The following ADCY2 variants were observed in gnomAD, a reference collection of about 807,000 sequenced individuals.
ADCY2 encodes the protein adenylate cyclase 2, also known as adenylate cyclase type 2.
A neutral mutation model predicts 125.2 loss-of-function variants in ADCY2; 31 were observed. That is an observed-to-expected ratio of 0.25 (90% CI 0.19 to 0.33). The LOEUF is 0.33. Among genes scored for constraint, ADCY2 ranks in the 10% least tolerant of loss-of-function variants. The pLI is 1.00. For missense variants in ADCY2, 904 were observed against 1,418.2 expected (o/e 0.64, Z 5.82); for synonymous variants, 512 against 548.4 (o/e 0.93, Z 0.93).
chr5:7,705,615 G>A (rs1374248070), intron 7 of ADCY2, among the ~76,000 whole-genome samples: 2 of 152,154 alleles, frequency 1.3e-5, no homozygotes, highest in Non-Finnish European at 2.9e-5. Context: ...CAGGGCAGAG[G>A]GGTGGGGGTG....
At chr5:7,504,898 G>A (rs1326720664) in intron 2 of ADCY2, among the ~76,000 whole-genome samples, 1 of 151,602 alleles carries the variant, frequency 6.6e-6, no homozygotes, top group African/African-American at 2.4e-5. Flanking sequence ...TTTAAGACAG[G>A]CTCTCATTTA....
At chr5:7,403,913 G>A (rs1343536780) in intron 1 of ADCY2, among the ~76,000 whole-genome samples, 2 of 141,860 alleles carry the variant, frequency 1.4e-5, no homozygotes, top group Non-Finnish European at 3.1e-5. Flanking sequence ...TTTTTGTTTT[G>A]TTTTGTTTTT....
At chr5:7,568,394 T>C (rs1009483927) in intron 3 of ADCY2, among the ~76,000 whole-genome samples, 2 of 152,184 alleles carry the variant, frequency 1.3e-5, no homozygotes, top group Non-Finnish European at 2.9e-5. Flanking sequence ...TATGGTATTA[T>C]CCTTAATGAT....
intron 4 of ADCY2, among the ~76,000 whole-genome samples, chr5:7,647,136 G>A (rs1561143223): frequency 6.6e-6 from 1 of 152,208 alleles, no homozygotes; most frequent in African/African-American, 2.4e-5. Flanking sequence ...GTGCAAATGT[G>A]CCTTTCAGCT....
intron 2 of ADCY2, among the ~76,000 whole-genome samples, chr5:7,512,235 A>AAAAAAAAAAAAAAAC (rs1744093617): frequency 6.7e-6 from 1 of 150,206 alleles, no homozygotes; most frequent in Non-Finnish European, 1.5e-5. Flanking sequence ...AAAAAAAAAA[A>AAAAAAAAAAAAAAAC]AAAAAGAAAA....
rs763798932 is a variant in ADCY2 at position 7,820,596 on chromosome 5, G to T, written c.3030G>T (p.Val1010=). ...GINHGPVIAG[V]IGAQKPQYDI... ...ACCATGGACCTGTGATAGCTGGTGT[G>T]ATTGGAGCTCAGAAGCCACAATATG... The change falls in exon 24 of 25, where the codon GTG becomes GTT. Residue 1010 remains valine, a synonymous_variant. Coordinates refer to ENST00000338316, the MANE Select transcript of ADCY2 (RefSeq NM_020546.3). 1.6e-5 allele frequency: 26 copies of T among 1,613,934 alleles called. No individual in the cohort carries two copies. The highest frequency in any genetic ancestry group is 2.2e-5 in the Non-Finnish European group (26 of 1,179,954).
At chr5:7,787,928 G>A (rs559608646) in intron 19 of ADCY2, among the ~76,000 whole-genome samples, 8 of 152,208 alleles carry the variant, frequency 5.3e-5, no homozygotes, top group African/African-American at 1.7e-4. Flanking sequence ...CTTGGAGGTG[G>A]TTTCATCTCA....
chr5:7,541,397 C>T (rs1457220627), intron 3 of ADCY2, among the ~76,000 whole-genome samples: 6 of 152,240 alleles, frequency 3.9e-5, no homozygotes, highest in African/African-American at 1.4e-4. Context: ...CTGATGGGAA[C>T]ACATGCTCCT....
At chr5:7,804,296 C>T (rs778310435) in intron 21 of ADCY2, among the ~76,000 whole-genome samples, 15 of 152,186 alleles carry the variant, frequency 9.9e-5, no homozygotes, top group Non-Finnish European at 2.1e-4. Flanking sequence ...TCAAGCCCAT[C>T]GTCATTTGCA....
At chr5:7,437,080 A>C (rs528697011) in intron 2 of ADCY2, among the ~76,000 whole-genome samples, 3 of 152,262 alleles carry the variant, frequency 2.0e-5, no homozygotes, top group South Asian at 4.2e-4. Flanking sequence ...GCTTCCCTCC[A>C]TCATGCAGAA....
chr5:7,763,342 C>T (rs1268809383), intron 16 of ADCY2, among the ~76,000 whole-genome samples: 2 of 152,182 alleles, frequency 1.3e-5, no homozygotes, highest in African/African-American at 2.4e-5. Flanking sequence ...CCACCCACCT[C>T]GGCCTCCCAA....
chr5:7,772,272 GC>G (rs1460516482), intron 17 of ADCY2, among the ~76,000 whole-genome samples: 4 of 152,150 alleles, frequency 2.6e-5, no homozygotes, highest in Non-Finnish European at 4.4e-5. Flanking sequence ...CCTGGGGCAG[GC>G]CTGCCTTCAG....
At chr5:7,413,599 G>GT (rs552814045) in intron 1 of ADCY2, among the ~76,000 whole-genome samples, 14,427 of 147,884 alleles carry the variant, frequency 0.098, 1,093 homozygotes, top group African/African-American at 0.21. Flanking sequence ...CACCCGGCCG[G>GT]TTTTTTTTTT....
intron 2 of ADCY2, among the ~76,000 whole-genome samples, chr5:7,473,434 C>T (rs926932623): frequency 1.3e-5 from 2 of 152,090 alleles, no homozygotes; most frequent in Non-Finnish European, 2.9e-5. Flanking sequence ...GACAAGAATT[C>T]ACTCATTATC....
At chr5:7,478,041 A>G (rs1561047286) in intron 2 of ADCY2, among the ~76,000 whole-genome samples, 1 of 152,220 alleles carries the variant, frequency 6.6e-6, no homozygotes, top group Non-Finnish European at 1.5e-5. Flanking sequence ...TGACTAAATG[A>G]ATATAAAATA....
intron 1 of ADCY2, among the ~76,000 whole-genome samples, chr5:7,401,915 TC>T (rs1425215406): frequency 2.0e-5 from 3 of 152,252 alleles, no homozygotes; most frequent in African/African-American, 7.2e-5. Context: ...TATGGGTTCT[TC>T]CTGCCACTTG....
chr5:7,708,355 C>G (rs888933057), intron 9 of ADCY2, among the ~76,000 whole-genome samples: 1 of 152,160 alleles, frequency 6.6e-6, no homozygotes, highest in African/African-American at 2.4e-5. Flanking sequence ...CCTTCCGTAA[C>G]ATAAGAACAT....
intron 2 of ADCY2, among the ~76,000 whole-genome samples, chr5:7,444,214 C>T (rs903230190): frequency 3.3e-5 from 5 of 150,752 alleles, no homozygotes; most frequent in African/African-American, 7.3e-5. Context: ...CCCGGGTTCA[C>T]GCCATTCTCC....
chr5:7,723,870 G>A (rs1397020654), intron 12 of ADCY2, among the ~76,000 whole-genome samples: 5 of 123,070 alleles, frequency 4.1e-5, no homozygotes, highest in Non-Finnish European at 8.0e-5. Flanking sequence ...GCAGTGAGCC[G>A]AGATCATGCC....
Sources: allele counts gnomAD v4.1 joint callset (sites outside exome capture counted in the v4.1 genomes callset), GRCh38; gene constraint gnomAD v4.1.1; transcripts MANE v1.5; gene names NCBI Gene and HGNC (gene_info 2026-07-23, HGNC 2026-07-21).